NBAS: variants seen among roughly 807,000 people sequenced by gnomAD.
NBAS encodes the protein NAG/BC035112 fusion.
NBAS carries 219 observed loss-of-function variants against 302.5 expected under a neutral mutation model. That is an observed-to-expected ratio of 0.72 (90% CI 0.65 to 0.81). The LOEUF (loss-of-function observed/expected upper bound fraction) is 0.81, where lower values mean the gene tolerates loss of function less well. Ranked by LOEUF, NBAS falls within the 30% of genes least tolerant of loss-of-function variation. The pLI is 0.00. For missense variants in NBAS, 2,932 were observed against 2,841.6 expected (o/e 1.03, Z -0.72); for synonymous variants, 1,118 against 1,021.6 (o/e 1.09, Z -1.80).
intron 44 of NBAS, among the ~76,000 whole-genome samples, chr2:15,240,559 G>A (rs1456893555): frequency 2.0e-5 from 3 of 152,070 alleles, no homozygotes; most frequent in Non-Finnish European, 2.9e-5. Context: ...GGAGGCTGCA[G>A]TGAGCCGAGA....
At chr2:14,968,511 T>G in the NBAS span, among the ~76,000 whole-genome samples, 1 of 152,188 alleles carries the variant, frequency 6.6e-6, no homozygotes, top group African/African-American at 2.4e-5. Flanking sequence ...GACCACCATG[T>G]GCTGTAACAT....
intron 48 of NBAS, among the ~76,000 whole-genome samples, chr2:15,204,503 G>T (rs911765718): frequency 2.6e-5 from 4 of 152,092 alleles, no homozygotes; most frequent in South Asian, 4.1e-4. Flanking sequence ...GACTGGGCTG[G>T]CATTAGAAGT....
At chr2:14,780,961 G>A in the NBAS span, among the ~76,000 whole-genome samples, 3 of 152,290 alleles carry the variant, frequency 2.0e-5, no homozygotes, top group Admixed American at 6.5e-5. Flanking sequence ...GGGAGGATGC[G>A]AAGGCAGTAA....
intron 48 of NBAS, among the ~76,000 whole-genome samples, chr2:15,200,694 C>T (rs1202197802): frequency 6.6e-6 from 1 of 152,156 alleles, no homozygotes; most frequent in Non-Finnish European, 1.5e-5. Context: ...TGTTTCTCTC[C>T]TCATTGAATT....
At chr2:15,085,560 C>T in the NBAS span, among the ~76,000 whole-genome samples, 3 of 152,130 alleles carry the variant, frequency 2.0e-5, no homozygotes, top group African/African-American at 7.2e-5. Flanking sequence ...TGTGAGGGGG[C>T]ATGGCCATGG....
chr2:14,938,142 T>TA, the NBAS span, among the ~76,000 whole-genome samples: 15 of 151,824 alleles, frequency 9.9e-5, no homozygotes, highest in South Asian at 2.1e-4. Flanking sequence ...TAAAAAAAAT[T>TA]AAAAAAATAA....
At position 15,292,551 on chromosome 2, in the gene NBAS, G is replaced by A. The variant is rs955009004; in HGVS notation, c.5013C>T (p.Ile1671=). Reference sequence around the variant, plus strand: ...GTATCACTTACTCTGCCAGACCAAGGATAGTTTCCCTTTTATACTGGTCAT... The same window carrying A: ...GTATCACTTACTCTGCCAGACCAAGAATAGTTTCCCTTTTATACTGGTCAT... ...TADDQYKRET[I]LGLAETLEES... Residue 1671 remains isoleucine (I), a synonymous_variant, in exon 41 of 52, where the codon ATC becomes ATT. Transcript: ENST00000281513. 15 of 1,613,992 alleles carry A rather than the reference G, an allele frequency of 9.3e-6. No individual in the cohort carries two copies. The highest frequency in any genetic ancestry group is 1.2e-5 in the Non-Finnish European group (14 of 1,180,024).
the NBAS span, among the ~76,000 whole-genome samples, chr2:15,116,633 A>G: frequency 0.014 from 2,109 of 152,360 alleles, 27 homozygotes; most frequent in Non-Finnish European, 0.023. Flanking sequence ...TAACAAGAGC[A>G]TTAGTAGCAA....
the NBAS span, among the ~76,000 whole-genome samples, chr2:15,124,093 A>G: frequency 6.6e-6 from 1 of 152,208 alleles, no homozygotes; most frequent in Admixed American, 6.5e-5. Flanking sequence ...GAAATGTGGA[A>G]GCTATTGGGA....
At chr2:15,462,630 G>A (rs1679554030) in intron 19 of NBAS, among the ~76,000 whole-genome samples, 1 of 151,942 alleles carries the variant, frequency 6.6e-6, no homozygotes, top group African/African-American at 2.4e-5. Flanking sequence ...GGTGAGGGAG[G>A]GAGGGAGGGA....
Position 15,292,773 on chromosome 2 carries a change from A to G in NBAS, c.4798-7T>C, listed in dbSNP as rs768160339. 6.2e-7 allele frequency: 1 copy of G among 1,613,740 alleles called. No individual in the cohort carries two copies. Reference sequence around the variant, plus strand: ...TTAGTTCTTTGGGATCAGCCTATGAAAGACATGGAAAAGAAGACATTTTAC... The same window carrying G: ...TTAGTTCTTTGGGATCAGCCTATGAGAGACATGGAAAAGAAGACATTTTAC... On this transcript the variant is annotated splice_region_variant and splice_polypyrimidine_tract_variant and intron_variant, in intron 40 of 51. Coordinates refer to ENST00000281513, the MANE Select transcript of NBAS (RefSeq NM_015909.4).
intron 38 of NBAS, among the ~76,000 whole-genome samples, chr2:15,317,056 C>T (rs1470238904): frequency 6.6e-6 from 1 of 152,202 alleles, no homozygotes; most frequent in African/African-American, 2.4e-5. Context: ...ATTCGCTGTG[C>T]TGCAATATTT....
At chr2:15,015,030 A>G in the NBAS span, among the ~76,000 whole-genome samples, 3 of 151,916 alleles carry the variant, frequency 2.0e-5, no homozygotes, top group Admixed American at 6.6e-5. Flanking sequence ...TTGAAAATCT[A>G]GAGCAAATGA....
intron 48 of NBAS, among the ~76,000 whole-genome samples, chr2:15,200,383 C>A (rs1046159810): frequency 7.2e-5 from 11 of 152,090 alleles, no homozygotes; most frequent in African/African-American, 2.7e-4. Flanking sequence ...GCATGCCTTC[C>A]ACAGATTAGT....
the NBAS span, among the ~76,000 whole-genome samples, chr2:14,826,470 T>C: frequency 5.9e-5 from 9 of 152,230 alleles, no homozygotes. Flanking sequence ...TGAGATATTA[T>C]ATATAAATGA....
At chr2:15,561,120 T>A (rs1664897953) in intron 1 of NBAS, 68 bp downstream of exon 1, 36 of 918,954 alleles carry the variant, frequency 3.9e-5, no homozygotes, top group East Asian at 1.0e-4. Flanking sequence ...ACGTGGCTCC[T>A]GCTACGTGGC....
chr2:15,190,446 C>T, intron 48 of NBAS, 43 bp from the exon 49 acceptor site: 1 of 1,610,448 alleles, frequency 6.2e-7, no homozygotes, highest in Non-Finnish European at 8.5e-7. Flanking sequence ...GCAAAGGCTA[C>T]TGAATTGGTT....
At position 15,412,466 on chromosome 2, in the gene NBAS, C is replaced by T. The variant is rs1169364873; in HGVS notation, c.2937+3080G>A. On this transcript the variant is annotated intron_variant, in intron 25 of 51. Coordinates refer to ENST00000281513, the MANE Select transcript of NBAS (RefSeq NM_015909.4). ...CTTGTGAGAAATAAATGTTCGCAGTCGTAAGCTACTAAGATATAGATGTCA... is the reference window on the plus strand; with the variant it reads ...CTTGTGAGAAATAAATGTTCGCAGTTGTAAGCTACTAAGATATAGATGTCA... Among the ~76,000 whole-genome samples the T allele has an allele frequency of 2.0e-5, 3 of 152,138 alleles. No homozygotes were observed. In the East Asian group the frequency reaches 5.8e-4, roughly 29 times the overall value.
the NBAS span, among the ~76,000 whole-genome samples, chr2:14,907,208 A>G: frequency 6.6e-4 from 100 of 152,272 alleles, no homozygotes; most frequent in East Asian, 0.018. Flanking sequence ...GCCTCCTGCA[A>G]TTGCAGTCCC....
Sources: gnomAD v4.1 joint callset for allele counts (sites outside exome capture counted in the v4.1 genomes callset) on GRCh38, gnomAD v4.1.1 for gene constraint, MANE v1.5 for transcripts, NCBI Gene and HGNC (gene_info 2026-07-23, HGNC 2026-07-21) for gene names.